Variants in TIMELESS observed in about 807,000 individuals in gnomAD.
The protein encoded by TIMELESS is timeless circadian regulator.
In TIMELESS, 124 loss-of-function variants were observed where a neutral mutation model predicts 164.3. That is an observed-to-expected ratio of 0.75 (90% CI 0.65 to 0.88). The LOEUF (loss-of-function observed/expected upper bound fraction) is 0.88, where lower values mean the gene tolerates loss of function less well. TIMELESS is among the 40% of genes least tolerant of loss of function. TIMELESS has a pLI of 0.00. For missense variants in TIMELESS, 1,422 were observed against 1,491.4 expected (o/e 0.95, Z 0.77); for synonymous variants, 564 against 563.4 (o/e 1.00, Z -0.02).
intron 19 of TIMELESS, 118 bp from the exon 20 acceptor site, chr12:56,422,309 G>T: frequency 1.1e-6 from 1 of 874,672 alleles, no homozygotes. Context: ...AACTGAAAGA[G>T]GCCAGCCAGC....
intron 15 of TIMELESS, 73 bp downstream of exon 15, chr12:56,424,687 CTG>C: frequency 3.3e-6 from 5 of 1,531,640 alleles, no homozygotes; most frequent in Non-Finnish European, 4.4e-6. Context: ...CTTTTGAAGA[CTG>C]AGAACACTGT....
intron 1 of TIMELESS, among the ~76,000 whole-genome samples, chr12:56,448,495 G>C (rs1472046525): frequency 6.6e-6 from 1 of 151,404 alleles, no homozygotes; most frequent in African/African-American, 2.4e-5. Flanking sequence ...GGGAGGCCGA[G>C]GCGGGCGGAT....
rs764643870 is a variant in TIMELESS, at chr12:56,424,744, A to G, written c.1868+18T>C. 1 of 1,610,856 alleles carries G rather than the reference A, an allele frequency of 6.2e-7. No homozygotes were observed. Among genetic ancestry groups the G allele is most frequent in the Non-Finnish European group, 8.5e-7 (1 of 1,178,126 alleles). ...CCTTCCCCCAAAGCCCAAGAGGATG[A>G]GCAGGCAGGGTTCTTACCGAGCAGA... On this transcript the variant is annotated intron_variant, in intron 15 of 28. Transcript: ENST00000553532.
chr12:56,445,044 T>G (rs1269905729), intron 1 of TIMELESS, among the ~76,000 whole-genome samples: 1 of 151,914 alleles, frequency 6.6e-6, no homozygotes, highest in Admixed American at 6.6e-5. Context: ...AAAGCTGAAC[T>G]CATCTTCCCA....
At chr12:56,448,003 G>C (rs1017405753) in intron 1 of TIMELESS, among the ~76,000 whole-genome samples, 1 of 152,052 alleles carries the variant, frequency 6.6e-6, no homozygotes, top group African/African-American at 2.4e-5. Context: ...AGAGGGTCAG[G>C]GCCAGACTGA....
At chr12:56,437,335 C>A (rs112866308) in intron 1 of TIMELESS, among the ~76,000 whole-genome samples, 133 of 152,084 alleles carry the variant, frequency 8.7e-4, no homozygotes, top group East Asian at 6.0e-3. Flanking sequence ...GAAAATAATT[C>A]ATAAAAGAAA....
intron 10 of TIMELESS, among the ~76,000 whole-genome samples, chr12:56,429,793 G>A (rs1157157786): frequency 6.6e-6 from 1 of 151,484 alleles, no homozygotes; most frequent in East Asian, 1.9e-4. Flanking sequence ...TGGGATTACA[G>A]GTGTGAGCCA....
chr12:56,440,129 T>C (rs1024010786), intron 1 of TIMELESS, among the ~76,000 whole-genome samples: 17 of 137,468 alleles, frequency 1.2e-4, no homozygotes, highest in African/African-American at 4.3e-4. Context: ...CAATTCAAAT[T>C]AACCTTTTTT....
rs377268916 is a variant in TIMELESS at position 56,430,945 on chromosome 12, T to C, written c.845A>G (p.Tyr282Cys). 7 of 1,591,468 alleles carry C rather than the reference T, an allele frequency of 4.4e-6. No individual in the cohort carries two copies. Among genetic ancestry groups the C allele is most frequent in the African/African-American group, 2.7e-5 (2 of 73,180 alleles). The change falls in exon 9 of 29, where the codon TAT becomes TGT. Residue 282 changes from tyrosine (Y) to cysteine (C), a missense_variant. By Grantham distance (194) the Tyr-to-Cys change is radical (BLOSUM62 -2). Coordinates refer to ENST00000553532, the MANE Select transcript of TIMELESS (RefSeq NM_003920.5). ...GNRHSRFGGSYIVQGLKSIGE... is the reference protein window; with the variant it reads ...GNRHSRFGGSCIVQGLKSIGE... ...AATGGATTTCAACCCCTGGACAATA[T>C]AGGAGCCCCCAAATCGAGAATGCCT...
In TIMELESS at chr12:56,430,097, G is replaced by T. The variant is rs746230142; in HGVS notation, c.1086+8C>A. ...CTGATTATCTCCATATCCTTCACAG[G>T]TTCTCACCTTTACTGATCCCATGAG... On this transcript the variant is annotated splice_region_variant and intron_variant, in intron 10 of 28. Transcript: ENST00000553532. 1 of 1,604,756 alleles carries T rather than the reference G, an allele frequency of 6.2e-7. No homozygotes were observed. The highest frequency in any genetic ancestry group is 1.7e-5 in the Admixed American group (1 of 57,696).
At chr12:56,428,719 T>C in intron 11 of TIMELESS, 67 bp from the exon 12 acceptor site, 1 of 1,509,842 alleles carries the variant, frequency 6.6e-7, no homozygotes, top group East Asian at 2.3e-5. Flanking sequence ...AAACAGCAAC[T>C]TCCCACAGCG....
intron 19 of TIMELESS, 151 bp downstream of exon 19, chr12:56,422,696 G>A: frequency 1.2e-6 from 1 of 844,674 alleles, no homozygotes; most frequent in Non-Finnish European, 1.8e-6. Context: ...TTTAGGTAAA[G>A]CATTTCACCT....
At chr12:56,428,675 G>A in intron 11 of TIMELESS, 23 bp from the exon 12 acceptor site, 1 of 1,602,418 alleles carries the variant, frequency 6.2e-7, no homozygotes, top group East Asian at 2.2e-5. Context: ...GGGAAACGGT[G>A]AAATGGAGGA....
chr12:56,433,275 TA>T (rs1881955491), intron 5 of TIMELESS, 105 bp downstream of exon 5: 1 of 1,423,390 alleles, frequency 7.0e-7, no homozygotes, highest in Non-Finnish European at 9.9e-7. Context: ...TGGATCGGAC[TA>T]CCACATCCCC....
At position 56,423,657 on chromosome 12, in the gene TIMELESS, C is replaced by T; in HGVS notation, c.2017G>A (p.Glu673Lys). 2 of 1,614,050 alleles carry T rather than the reference C, an allele frequency of 1.2e-6. No individual in the cohort carries two copies. Among genetic ancestry groups the T allele is most frequent in the Non-Finnish European group, 8.5e-7 (1 of 1,179,974 alleles). ...ACTTGCAACTCCTCCTCTTCCTCCT[C>T]CTCCTCCTCTTCTTCTTCCTCTGCC... ...RGAEEEEEEE[E>K]EEEEELQVVQ... The change falls in exon 17 of 29, where the codon GAG becomes AAG. Residue 673 changes from glutamate (E) to lysine (K), a missense_variant. Glu to Lys is a moderately conservative substitution (Grantham distance 56, BLOSUM62 1). Transcript: ENST00000553532.
Position 56,421,808 on chromosome 12 carries a change from T to C in TIMELESS, c.2644A>G (p.Lys882Glu). Residue 882 changes from lysine (K) to glutamate (E), a missense_variant and splice_region_variant, in exon 22 of 29, where the codon AAA becomes GAA. Physicochemically the swap from Lys to Glu is moderately conservative, Grantham distance 56. Transcript: ENST00000553532. ...GTCCACAGTACAATATGGGTTCCTT[T>C]CCTGATTAGGAAGGTGTCAGTGGAA... ...LADSVKDFQR[K>E]GTHIVLWTGD... 1.2e-6 allele frequency: 2 copies of C among 1,614,156 alleles called. No homozygotes were observed. Among genetic ancestry groups the C allele is most frequent in the Non-Finnish European group, 1.7e-6 (2 of 1,180,014 alleles).
rs776889922 is a variant in TIMELESS, at chr12:56,432,436, C to G, written c.620G>C (p.Ser207Thr). ...GCTCCATTGCTCCTCAGCAGACGAG[C>G]TGGCCAGAAAGAGGAGCAGGTCATC... ...GLDDLLLFLA[S>T]SSAEEQWSLH... The change falls in exon 7 of 29, where the codon AGC becomes ACC. Residue 207 changes from serine (S) to threonine (T), a missense_variant. Coordinates refer to ENST00000553532, the MANE Select transcript of TIMELESS (RefSeq NM_003920.5). 10 of 1,614,208 alleles carry G rather than the reference C, an allele frequency of 6.2e-6. No individual in the cohort carries two copies. The Admixed American group carries it at 1.7e-4, about 27-fold the overall frequency.
chr12:56,448,480 A>G (rs918635634), intron 1 of TIMELESS, among the ~76,000 whole-genome samples: 1 of 151,754 alleles, frequency 6.6e-6, no homozygotes. Context: ...TAATCCCAGC[A>G]CTTTGGGAGG....
rs1881260107 is a variant in TIMELESS at position 56,416,391 on chromosome 12, T to G, written c.*1325A>C. ...AGGGCAATCCAAATCCATCCTTTACTTAGAAGCCTTCCTGAGCTGAATGGC... is the reference window on the plus strand; with the variant it reads ...AGGGCAATCCAAATCCATCCTTTACGTAGAAGCCTTCCTGAGCTGAATGGC... On this transcript the variant is annotated 3_prime_UTR_variant, in exon 29 of 29. Transcript: ENST00000553532. 6.6e-6 allele frequency: 1 copy of G among 152,216 alleles called. No homozygotes were observed. Among genetic ancestry groups the G allele is most frequent in the Non-Finnish European group, 1.5e-5 (1 of 68,040 alleles). The allele number at this position is 152,216 out of a possible 1,614,324, so 9.4% of individuals were successfully genotyped here. A position where few individuals can be genotyped will look rare whatever the true frequency, so the allele number is the denominator to read the frequency against.
Sources: allele counts gnomAD v4.1 joint callset (sites outside exome capture counted in the v4.1 genomes callset), GRCh38; gene constraint gnomAD v4.1.1; transcripts MANE v1.5; gene names NCBI Gene and HGNC (gene_info 2026-07-23, HGNC 2026-07-21).